Variants in CATSPERD observed in about 807,000 individuals in gnomAD.
The protein encoded by CATSPERD is catsper channel auxiliary subunit delta, also known as cation channel sperm-associated auxiliary subunit delta.
A neutral mutation model predicts 98.1 loss-of-function variants in CATSPERD; 86 were observed. The observed-to-expected ratio is 0.88, with a 90% CI of 0.74 to 1.05. The LOEUF (loss-of-function observed/expected upper bound fraction) is 1.05, where lower values mean the gene tolerates loss of function less well. Ranked by LOEUF, CATSPERD falls within the 50% of genes least tolerant of loss-of-function variation. The pLI, the probability that CATSPERD is intolerant of heterozygous loss-of-function variation, is 0.00. For synonymous variants in CATSPERD, 394 were observed against 390.2 expected (o/e 1.01, Z -0.12); for missense variants, 995 against 1,005.7 (o/e 0.99, Z 0.14).
intron 21 of CATSPERD, among the ~76,000 whole-genome samples, chr19:5,776,877 CAAA>C (rs35462774): frequency 8.4e-6 from 1 of 119,532 alleles, no homozygotes. Flanking sequence ...GACTCCATCT[CAAA>C]AAAAAAAAAA....
intron 21 of CATSPERD, 82 bp from the exon 22 acceptor site, chr19:5,778,294 G>C (rs552109104): frequency 7.7e-7 from 1 of 1,295,324 alleles, no homozygotes; most frequent in South Asian, 1.4e-5. Context: ...CCTCCTGTGG[G>C]TCTGAACACC....
At chr19:5,746,935 C>T (rs2056106125) in intron 9 of CATSPERD, among the ~76,000 whole-genome samples, 1 of 151,868 alleles carries the variant, frequency 6.6e-6, no homozygotes, top group Non-Finnish European at 1.5e-5. Context: ...CTCCACCTTC[C>T]CTGGGCTCAA....
At chr19:5,748,126 C>A in intron 9 of CATSPERD, 34 bp from the exon 10 acceptor site, 1 of 1,558,796 alleles carries the variant, frequency 6.4e-7, no homozygotes, top group Non-Finnish European at 8.8e-7. Flanking sequence ...AGGATGTACA[C>A]GGGGCCTCAT....
intron 1 of CATSPERD, 112 bp from the exon 2 acceptor site, chr19:5,724,696 C>G (rs1205371927): frequency 2.8e-6 from 3 of 1,074,104 alleles, no homozygotes; most frequent in Non-Finnish European, 4.3e-6. Flanking sequence ...GAGACTCCGT[C>G]CCCCCCAAAA....
intron 1 of CATSPERD, among the ~76,000 whole-genome samples, chr19:5,724,457 C>T (rs981813491): frequency 3.3e-5 from 5 of 151,938 alleles, no homozygotes; most frequent in East Asian, 2.0e-4. Context: ...CCCAACACTT[C>T]GGGAGGCCAA....
chr19:5,768,237 C>T lies in CATSPERD; in HGVS notation c.1629C>T (p.Ile543=), dbSNP rs766303877. ...LTLQDNYSFI[I]EKEFYDPGFQ... ...TGCAAGACAATTACAGCTTCATCAT[C>T]GAGAAGTAAGCCAGCGTCCCCCCGC... The change falls in exon 18 of 22, where the codon ATC becomes ATT. Residue 543 remains isoleucine (I), a synonymous_variant. Coordinates refer to ENST00000381624, the MANE Select transcript of CATSPERD (RefSeq NM_152784.4). 8 of 1,612,740 alleles carry T rather than the reference C, an allele frequency of 5.0e-6. No individual in the cohort carries two copies. The highest frequency in any genetic ancestry group is 2.7e-5 in the African/African-American group (2 of 74,900).
intron 8 of CATSPERD, 49 bp from the exon 9 acceptor site, chr19:5,745,864 C>T: frequency 6.3e-7 from 1 of 1,598,168 alleles, no homozygotes; most frequent in Non-Finnish European, 8.5e-7. Flanking sequence ...CTCAGTGGGA[C>T]TCCACAGTAG....
intron 3 of CATSPERD, among the ~76,000 whole-genome samples, chr19:5,728,237 A>T (rs2055644572): frequency 6.6e-6 from 1 of 151,508 alleles, no homozygotes; most frequent in African/African-American, 2.4e-5. Flanking sequence ...GCCCGCCTGT[A>T]GTCCCAGCTA....
intron 6 of CATSPERD, among the ~76,000 whole-genome samples, chr19:5,738,715 C>T (rs1263489981): frequency 6.6e-6 from 1 of 152,102 alleles, no homozygotes; most frequent in Non-Finnish European, 1.5e-5. Flanking sequence ...TCCTGAGTAG[C>T]TGGGACTACA....
intron 15 of CATSPERD, among the ~76,000 whole-genome samples, chr19:5,762,301 T>C (rs35027921): frequency 6.6e-6 from 1 of 151,290 alleles, no homozygotes; most frequent in African/African-American, 2.4e-5. Context: ...TTACCTCAGG[T>C]GATCTGCCCA....
At chr19:5,758,915 C>T (rs905371425) in intron 14 of CATSPERD, among the ~76,000 whole-genome samples, 171 bp from the exon 15 acceptor site, 1 of 136,842 alleles carries the variant, frequency 7.3e-6, no homozygotes, top group Non-Finnish European at 1.5e-5. Context: ...CAGAGAGAGA[C>T]TCCATCTCAA....
chr19:5,749,810 T>TC (rs1448465163), intron 11 of CATSPERD, among the ~76,000 whole-genome samples: 1 of 150,772 alleles, frequency 6.6e-6, no homozygotes, highest in Non-Finnish European at 1.5e-5. Context: ...CTAATTTTTT[T>TC]TTTTTTTTTT....
intron 1 of CATSPERD, among the ~76,000 whole-genome samples, chr19:5,723,577 G>A (rs922782719): frequency 6.8e-6 from 1 of 147,506 alleles, no homozygotes; most frequent in Non-Finnish European, 1.5e-5. Context: ...CCATTCTCCT[G>A]CCTCAGCCTC....
At chr19:5,750,984 G>A (rs1205924177) in intron 11 of CATSPERD, among the ~76,000 whole-genome samples, 1 of 151,428 alleles carries the variant, frequency 6.6e-6, no homozygotes, top group East Asian at 1.9e-4. Context: ...GGGAGGCCGA[G>A]GCAGGTGGAT....
chr19:5,757,781 G>C, intron 13 of CATSPERD, 62 bp from the exon 14 acceptor site: 13 of 1,318,168 alleles, frequency 9.9e-6, no homozygotes, highest in Non-Finnish European at 1.4e-5. Flanking sequence ...CACTGTGGGG[G>C]TTTGTCACCC....
At chr19:5,762,058 A>ATATTTTTTTT in intron 15 of CATSPERD, among the ~76,000 whole-genome samples, 2 of 10,438 alleles carry the variant, frequency 1.9e-4, no homozygotes, top group African/African-American at 6.6e-4. Context: ...ATATATATAT[A>ATATTTTTTTT]TTTTTTTTTT....
intron 11 of CATSPERD, among the ~76,000 whole-genome samples, chr19:5,751,138 C>T (rs2056205416): frequency 7.4e-6 from 1 of 134,882 alleles, no homozygotes. Flanking sequence ...GCGGAGGTTG[C>T]CGTGGGCTGA....
chr19:5,767,693 T>TA (rs1236505538), intron 17 of CATSPERD, among the ~76,000 whole-genome samples: 1 of 151,658 alleles, frequency 6.6e-6, no homozygotes, highest in East Asian at 1.9e-4. Flanking sequence ...TTCACCGTGT[T>TA]AGCCAGGATG....
rs2145766661 is a variant in CATSPERD at position 5,748,249 on chromosome 19, G to T, written c.898G>T (p.Ala300Ser). 6.2e-7 allele frequency: 1 copy of T among 1,613,640 alleles called. No homozygotes were observed. The highest frequency in any genetic ancestry group is 8.5e-7 in the Non-Finnish European group (1 of 1,179,636). Residue 300 changes from alanine (A) to serine (S), a missense_variant, in exon 10 of 22, where the codon GCT (alanine) becomes TCT (serine). By Grantham distance (99) the Ala-to-Ser change is moderately conservative (BLOSUM62 1). Coordinates refer to ENST00000381624, the MANE Select transcript of CATSPERD (RefSeq NM_152784.4). ...FEAKITIHNI[A>S]VTENELAVIT... ...AGCCAAGATCACCATCCACAACATT[G>T]CTGTCAGTGCGTAGCCGACCCACTG... is the stretch of plus-strand genomic sequence containing the variant.
Sources: allele counts gnomAD v4.1 joint callset (sites outside exome capture counted in the v4.1 genomes callset), GRCh38; gene constraint gnomAD v4.1.1; transcripts MANE v1.5; gene names NCBI Gene and HGNC (gene_info 2026-07-23, HGNC 2026-07-21).